Variants in CRACD observed in about 807,000 individuals in gnomAD.
CRACD encodes capping protein inhibiting regulator of actin dynamics.
CRACD carries 56 observed loss-of-function variants against 106.8 expected under a neutral mutation model. That is an observed-to-expected ratio of 0.52 (90% confidence interval 0.42 to 0.66). CRACD has a LOEUF of 0.66. Ranked by LOEUF, CRACD falls within the 30% of genes least tolerant of loss-of-function variation. CRACD has a pLI of 0.00. For missense variants in CRACD, 1,730 were observed against 1,623.2 expected, an observed-to-expected ratio of 1.07 and a Z score of -1.13; for synonymous variants, 754 against 670.8, an observed-to-expected ratio of 1.12 and a Z score of -1.92.
chr4:56,215,454 C>T (rs1738628539), intron 2 of CRACD, among the ~76,000 whole-genome samples: 1 of 152,230 alleles, frequency 6.6e-6, no homozygotes, highest in Non-Finnish European at 1.5e-5. Flanking sequence ...GCTGGGGCAA[C>T]ATAAATATTT....
At chr4:56,095,711 G>A (rs866989425) in intron 1 of CRACD, among the ~76,000 whole-genome samples, 17 of 152,078 alleles carry the variant, frequency 1.1e-4, no homozygotes, top group Middle Eastern at 3.2e-3. Context: ...TAGCTTTTGC[G>A]TCAGAGAGAT....
chr4:56,260,939 C>G (rs923827610), intron 2 of CRACD, among the ~76,000 whole-genome samples: 5 of 151,974 alleles, frequency 3.3e-5, no homozygotes, highest in Non-Finnish European at 5.9e-5. Flanking sequence ...CCATCCCTCT[C>G]TCCCTCTCTA....
intron 2 of CRACD, among the ~76,000 whole-genome samples, chr4:56,240,508 C>A (rs1247592665): frequency 6.6e-6 from 1 of 152,114 alleles, no homozygotes; most frequent in African/African-American, 2.4e-5. Flanking sequence ...ATGCCTGATC[C>A]TTTTCTTTTT....
chr4:56,253,654 A>G (rs757880843), intron 2 of CRACD, among the ~76,000 whole-genome samples: 7 of 152,232 alleles, frequency 4.6e-5, no homozygotes, highest in Non-Finnish European at 1.0e-4. Context: ...AAACCAAAAA[A>G]CACAGCAATA....
chr4:56,123,196 T>TA (rs1293073351), intron 1 of CRACD, among the ~76,000 whole-genome samples: 1 of 152,238 alleles, frequency 6.6e-6, no homozygotes, highest in Non-Finnish European at 1.5e-5. Context: ...GGCACTGTTC[T>TA]AAGTACTTCA....
chr4:56,108,538 G>T (rs543978118), intron 1 of CRACD, among the ~76,000 whole-genome samples: 1 of 152,142 alleles, frequency 6.6e-6, no homozygotes, highest in Non-Finnish European at 1.5e-5. Flanking sequence ...GACACAAGAC[G>T]AAGAGTTAAA....
intron 2 of CRACD, among the ~76,000 whole-genome samples, chr4:56,224,158 A>G (rs74764600): frequency 1.4e-5 from 2 of 145,200 alleles, no homozygotes; most frequent in Non-Finnish European, 3.0e-5. Flanking sequence ...ATTTTTTTTT[A>G]TTGGAATTGC....
intron 3 of CRACD, among the ~76,000 whole-genome samples, chr4:56,280,809 T>A (rs1184985273): frequency 6.6e-6 from 1 of 152,182 alleles, no homozygotes; most frequent in Non-Finnish European, 1.5e-5. Context: ...ATGTTACCAA[T>A]GAAGTTATAC....
chr4:56,117,211 C>T lies in CRACD; in HGVS notation c.-335-62073C>T, dbSNP rs189342605. Among the ~76,000 whole-genome samples, 777 of 151,878 alleles carry T rather than the reference C, an allele frequency of 5.1e-3. 4 individuals carry two copies. The highest frequency in any genetic ancestry group is 0.011 in the South Asian group (51 of 4,806). On this transcript the variant is annotated intron_variant, in intron 1 of 10. Coordinates refer to ENST00000682029, the MANE Select transcript of CRACD (RefSeq NM_001393381.1). Reference sequence around the variant, plus strand: ...AATTTTTTTGTATTTTTAGTAGAGACGGGGTTTCACCGTGTTAGCCAGGAT... The same window carrying T: ...AATTTTTTTGTATTTTTAGTAGAGATGGGGTTTCACCGTGTTAGCCAGGAT...
At chr4:56,162,273 T>C (rs1735988398) in intron 1 of CRACD, among the ~76,000 whole-genome samples, 1 of 152,152 alleles carries the variant, frequency 6.6e-6, no homozygotes, top group African/African-American at 2.4e-5. Context: ...TAGCTCACTG[T>C]AACCTCTAAC....
chr4:56,245,758 T>C (rs75013289), intron 2 of CRACD, among the ~76,000 whole-genome samples: 1,685 of 152,304 alleles, frequency 0.011, 32 homozygotes, highest in African/African-American at 0.038. Flanking sequence ...AGTACCTATA[T>C]TCTGTCTCAA....
At chr4:56,172,268 A>C (rs900915818) in intron 1 of CRACD, among the ~76,000 whole-genome samples, 1 of 152,130 alleles carries the variant, frequency 6.6e-6, no homozygotes, top group African/African-American at 2.4e-5. Flanking sequence ...TATTTGCCTG[A>C]AAAACTGAAG....
intron 1 of CRACD, among the ~76,000 whole-genome samples, chr4:56,090,921 G>A (rs1733405401): frequency 6.6e-6 from 1 of 152,172 alleles, no homozygotes; most frequent in Admixed American, 6.5e-5. Flanking sequence ...TGGGTTTTTG[G>A]TTAGAGTTCT....
chr4:56,260,909 CCA>C (rs1369558139), intron 2 of CRACD, among the ~76,000 whole-genome samples: 1 of 151,792 alleles, frequency 6.6e-6, no homozygotes, highest in African/African-American at 2.4e-5. Flanking sequence ...ATCCATCCAT[CCA>C]TCCATCCATC....
intron 2 of CRACD, among the ~76,000 whole-genome samples, chr4:56,224,820 C>T (rs1230005681): frequency 6.6e-6 from 1 of 152,170 alleles, no homozygotes. Flanking sequence ...GGCTTAAAGC[C>T]AGCTCTTCCA....
chr4:56,195,793 A>G (rs1468423478), intron 2 of CRACD, among the ~76,000 whole-genome samples: 1 of 152,226 alleles, frequency 6.6e-6, no homozygotes, highest in African/African-American at 2.4e-5. Context: ...ATCTTGTTTT[A>G]TCAACCTGTT....
Position 56,315,866 on chromosome 4 carries a change from A to T in CRACD, c.2364A>T (p.Gly788=). The T allele has an allele frequency of 1.2e-6, 2 of 1,614,150 alleles. No individual in the cohort carries two copies. Among genetic ancestry groups the T allele is most frequent in the Non-Finnish European group, 1.7e-6 (2 of 1,180,022 alleles). The change falls in exon 8 of 11, where the codon GGA becomes GGT. Residue 788 remains glycine (G), a synonymous_variant. Coordinates refer to ENST00000682029, the MANE Select transcript of CRACD (RefSeq NM_001393381.1). The surrounding 1 kb of genome is among the most constrained non-coding windows in gnomAD (Gnocchi z 4.1). The part of the protein sequence containing the change: ...MHREPADTTE[G]CKFAKDLPSF... ...GGGAGCCCGCAGACACCACCGAGGGATGCAAATTTGCCAAAGACCTCCCGT... is the reference window on the plus strand; with the variant it reads ...GGGAGCCCGCAGACACCACCGAGGGTTGCAAATTTGCCAAAGACCTCCCGT...
chr4:56,219,347 T>C (rs973050048), intron 2 of CRACD, among the ~76,000 whole-genome samples: 2 of 152,090 alleles, frequency 1.3e-5, no homozygotes, highest in African/African-American at 2.4e-5. Flanking sequence ...TTTGTTCGTT[T>C]GTTTGTTTGT....
chr4:56,050,451 T>G (rs750943757), intron 1 of CRACD, among the ~76,000 whole-genome samples: 3 of 152,170 alleles, frequency 2.0e-5, no homozygotes, highest in Non-Finnish European at 4.4e-5. Context: ...AATCAATGTT[T>G]CCTTTAAAAA....
Sources: gnomAD v4.1 joint callset for allele counts (sites outside exome capture counted in the v4.1 genomes callset) on GRCh38, gnomAD v4.1.1 for gene constraint, Gnocchi (gnomAD v3.1) non-coding constraint, MANE v1.5 for transcripts, NCBI Gene and HGNC (gene_info 2026-07-23, HGNC 2026-07-21) for gene names.